Variants in LOC400499 observed in about 807,000 individuals in gnomAD.
At chr16:11,403,927 T>C in the LOC400499 span, among the ~76,000 whole-genome samples, 1 of 152,218 alleles carries the variant, frequency 6.6e-6, no homozygotes, top group Non-Finnish European at 1.5e-5. Flanking sequence ...CTCTATGAGC[T>C]GAGACGCTGC....
chr16:11,522,405 G>A, the LOC400499 span, among the ~76,000 whole-genome samples: 3 of 152,172 alleles, frequency 2.0e-5, no homozygotes, highest in South Asian at 6.2e-4. Flanking sequence ...TTGGGGCCAG[G>A]GAATTCTGTT....
chr16:11,429,484 A>AT, the LOC400499 span, among the ~76,000 whole-genome samples: 2 of 152,108 alleles, frequency 1.3e-5, no homozygotes. Flanking sequence ...GCAATAATTT[A>AT]TTTTTTGAGA....
At chr16:11,431,005 G>A in the LOC400499 span, 8 of 399,054 alleles carry the variant, frequency 2.0e-5, no homozygotes, top group African/African-American at 1.4e-4. Flanking sequence ...AGTGCTTGCC[G>A]CTGCCCCCAT....
At chr16:11,475,414 G>A in the LOC400499 span, among the ~76,000 whole-genome samples, 2 of 152,184 alleles carry the variant, frequency 1.3e-5, no homozygotes, top group Non-Finnish European at 2.9e-5. Context: ...ATTGTTCTGT[G>A]GATTTGTGTT....
At chr16:11,382,808 A>C in the LOC400499 span, among the ~76,000 whole-genome samples, 2 of 152,160 alleles carry the variant, frequency 1.3e-5, no homozygotes, top group African/African-American at 4.8e-5. Context: ...AGACTGTCCC[A>C]AAAAAGAAAA....
chr16:11,403,672 G>C, the LOC400499 span, among the ~76,000 whole-genome samples: 3 of 152,218 alleles, frequency 2.0e-5, no homozygotes, highest in South Asian at 4.1e-4. Flanking sequence ...GCTGTGGGTC[G>C]GGCTCTGCTC....
At chr16:11,389,476 G>C in the LOC400499 span, among the ~76,000 whole-genome samples, 212 of 152,258 alleles carry the variant, frequency 1.4e-3, no homozygotes, top group African/African-American at 4.8e-3. Flanking sequence ...AAGGTCAGGA[G>C]TTTGAGACCA....
chr16:11,514,133 G>C, the LOC400499 span, among the ~76,000 whole-genome samples: 2 of 152,198 alleles, frequency 1.3e-5, no homozygotes, highest in Non-Finnish European at 2.9e-5. Flanking sequence ...GGACATCCCA[G>C]GGAAAAGGGA....
chr16:11,492,729 G>C, the LOC400499 span, among the ~76,000 whole-genome samples: 1 of 151,700 alleles, frequency 6.6e-6, no homozygotes. Context: ...AGCTTGCAGT[G>C]AGCGGAGATG....
At chr16:11,522,116 A>C in the LOC400499 span, 10 of 352,368 alleles carry the variant, frequency 2.8e-5, no homozygotes, top group African/African-American at 4.4e-5. Context: ...GCTGACCCTG[A>C]AGGGCAGAGA....
chr16:11,483,582 G>A, the LOC400499 span, among the ~76,000 whole-genome samples: 9 of 152,000 alleles, frequency 5.9e-5, no homozygotes, highest in African/African-American at 1.9e-4. Flanking sequence ...AAAAGGACAT[G>A]TTGGCAAGCG....
At chr16:11,413,808 C>G in the LOC400499 span, among the ~76,000 whole-genome samples, 5 of 152,204 alleles carry the variant, frequency 3.3e-5, no homozygotes, top group South Asian at 1.0e-3. Context: ...ATCCTCACAA[C>G]CTCCACATTA....
At chr16:11,446,603 T>C in the LOC400499 span, 4 of 1,536,096 alleles carry the variant, frequency 2.6e-6, no homozygotes, top group Non-Finnish European at 3.5e-6. Context: ...GGGATGACTT[T>C]GCCATCGTAT....
the LOC400499 span, among the ~76,000 whole-genome samples, chr16:11,478,984 A>T: frequency 2.0e-5 from 3 of 152,178 alleles, no homozygotes; most frequent in Admixed American, 6.5e-5. Flanking sequence ...GCCTTCCACC[A>T]TGATTTTGAA....
chr16:11,394,672 A>G, the LOC400499 span, among the ~76,000 whole-genome samples: 1 of 152,216 alleles, frequency 6.6e-6, no homozygotes, highest in Non-Finnish European at 1.5e-5. Flanking sequence ...CACACACCCA[A>G]TGAATGCTGT....
At chr16:11,479,793 C>A in the LOC400499 span, among the ~76,000 whole-genome samples, 1 of 152,146 alleles carries the variant, frequency 6.6e-6, no homozygotes, top group African/African-American at 2.4e-5. Flanking sequence ...CTCCAGAGGT[C>A]ATTTACATTT....
the LOC400499 span, among the ~76,000 whole-genome samples, chr16:11,477,221 G>C: frequency 6.6e-6 from 1 of 152,344 alleles, no homozygotes; most frequent in East Asian, 1.9e-4. Flanking sequence ...TGTGAATCCC[G>C]GGTGTCTAAG....
chr16:11,384,051 G>A, the LOC400499 span: 15 of 1,231,830 alleles, frequency 1.2e-5, no homozygotes, highest in African/African-American at 1.5e-5. Flanking sequence ...GCTGGACCAT[G>A]TGGCTCCCCC....
At chr16:11,390,337 T>A in the LOC400499 span, 2 of 1,233,656 alleles carry the variant, frequency 1.6e-6, no homozygotes, top group Non-Finnish European at 2.0e-6. Context: ...TGGACCCCCT[T>A]TGCCTGGCAT....
Sources: allele counts gnomAD v4.1 joint callset (sites outside exome capture counted in the v4.1 genomes callset), GRCh38; gene constraint gnomAD v4.1.1; transcripts MANE v1.5.